Variants in HYLS1 observed in about 807,000 individuals in gnomAD.
The protein encoded by HYLS1 is centriolar and ciliogenesis-associated protein HYLS1.
In HYLS1, 25 loss-of-function variants were observed where a neutral mutation model predicts 29.4. That is an observed-to-expected ratio of 0.85 (90% CI 0.62 to 1.19). The LOEUF is 1.19. HYLS1 is among the 50% of genes most tolerant of loss of function. The pLI is 0.00. For missense variants in HYLS1, 352 were observed against 365.1 expected (o/e 0.96, Z 0.29); for synonymous variants, 128 against 126.7 (o/e 1.01, Z -0.07).
chr11:125,894,179 AGTT>A (rs1172814832), intron 2 of HYLS1: 5 of 1,614,046 alleles, frequency 3.1e-6, no homozygotes, highest in Admixed American at 1.7e-5. Context: ...ATTAGCCCAC[AGTT>A]GTTGTAGGTG....
In HYLS1 at chr11:125,887,752, C is replaced by T. The variant is rs1329584076; in HGVS notation, c.-89C>T. ...GGCAGGACGCGGTGCAGAGAGCGGACTTCCGCGACGCGGGTAAGCCGGGCG... is the reference window on the plus strand; with the variant it reads ...GGCAGGACGCGGTGCAGAGAGCGGATTTCCGCGACGCGGGTAAGCCGGGCG... On this transcript the variant is annotated 5_prime_UTR_variant, in exon 1 of 3. Transcript: ENST00000425380. The T allele has an allele frequency of 3.3e-5, 5 of 152,314 alleles. No individual in the cohort carries two copies. Among genetic ancestry groups the T allele is most frequent in the Non-Finnish European group, 7.3e-5 (5 of 68,070 alleles). 9.4% of individuals were successfully genotyped at this position (152,314 alleles called of 1,614,324 possible). A position where few individuals can be genotyped will look rare whatever the true frequency, so the allele number is the denominator to read the frequency against.
chr11:125,896,134 T>G, intron 2 of HYLS1: 1 of 1,614,182 alleles, frequency 6.2e-7, no homozygotes, highest in East Asian at 2.2e-5. Context: ...GCACGCTTAG[T>G]TTTTCCAGCT....
In HYLS1 at chr11:125,894,142, A is replaced by G. The variant is rs115450206; in HGVS notation, c.-26+2670A>G. The G allele has an allele frequency of 1.2e-3, 1,905 of 1,614,106 alleles. 17 individuals are homozygous for G. In the African/African-American group the frequency reaches 0.023, roughly 19 times the overall value. ...CAGTGTCCAGTCCTTGTAGCATACT[A>G]TACAACATGTGAGTTTTGACAGCAT... On this transcript the variant is annotated intron_variant, in intron 2 of 2. Coordinates refer to ENST00000425380, the MANE Select transcript of HYLS1 (RefSeq NM_001134793.2).
chr11:125,895,809 T>TA (rs779668555), intron 2 of HYLS1: 13 of 1,583,458 alleles, frequency 8.2e-6, no homozygotes, highest in Non-Finnish European at 1.1e-5. Flanking sequence ...TAGACAAAGA[T>TA]ACTGGGTTTT....
At chr11:125,890,157 G>C (rs1017182246) in intron 1 of HYLS1, among the ~76,000 whole-genome samples, 2 of 151,972 alleles carry the variant, frequency 1.3e-5, no homozygotes, top group African/African-American at 2.4e-5. Flanking sequence ...GCACAGGCTG[G>C]TCTTGAACTC....
chr11:125,888,769 CAA>C (rs34094193), intron 1 of HYLS1, among the ~76,000 whole-genome samples: 4 of 34,654 alleles, frequency 1.2e-4, no homozygotes, highest in Non-Finnish European at 3.1e-4. Flanking sequence ...ACTCTTGTCT[CAA>C]AAAAAAAAAA....
intron 1 of HYLS1, among the ~76,000 whole-genome samples, chr11:125,891,044 CTAAATAGTTCCT>C: frequency 6.6e-6 from 1 of 152,222 alleles, no homozygotes; most frequent in East Asian, 1.9e-4. Context: ...ATTTCACAAC[CTAAATAGTTCCT>C]TTATTCCAAC....
rs1224796383 is a variant in HYLS1 at position 125,888,778 on chromosome 11, A to G, written c.-76+1013A>G. Among the ~76,000 whole-genome samples the G allele has an allele frequency of 2.6e-4, 34 of 130,840 alleles. 1 individual carries two copies. The East Asian group carries it at 7.5e-3, about 29-fold the overall frequency. 85.8% of individuals were successfully genotyped at this position (130,840 alleles called of 152,430 possible). A position where few individuals can be genotyped will look rare whatever the true frequency, so the allele number is the denominator to read the frequency against. Reference sequence around the variant, plus strand: ...AGCAAGACTCTTGTCTCAAAAAAAAAAAAAAAAAAGAGAAAAGAAAAACAT... The same window carrying G: ...AGCAAGACTCTTGTCTCAAAAAAAAGAAAAAAAAAGAGAAAAGAAAAACAT... On this transcript the variant is annotated intron_variant, in intron 1 of 2. Coordinates refer to ENST00000425380, the MANE Select transcript of HYLS1 (RefSeq NM_001134793.2).
chr11:125,894,220 G>T, intron 2 of HYLS1: 1 of 1,613,196 alleles, frequency 6.2e-7, no homozygotes, highest in Non-Finnish European at 8.5e-7. Flanking sequence ...GAGCCTCCTG[G>T]TCATAGATCC....
chr11:125,884,603 C>T (rs959037934), upstream of HYLS1, among the ~76,000 whole-genome samples: 12 of 152,104 alleles, frequency 7.9e-5, 1 homozygote, highest in South Asian at 2.1e-4. Flanking sequence ...AGTGAGACTC[C>T]GTCTCAAAAA....
chr11:125,897,785 C>T (rs1264738062), intron 2 of HYLS1, among the ~76,000 whole-genome samples: 2 of 152,162 alleles, frequency 1.3e-5, no homozygotes, highest in Non-Finnish European at 1.5e-5. Flanking sequence ...TGGAGGTAAA[C>T]ATTTTGGCAA....
At position 125,892,471 on chromosome 11, in the gene HYLS1, T is replaced by C. The variant is rs550621234; in HGVS notation, c.-26+999T>C. Reference sequence around the variant, plus strand: ...ATATTTTGAGGATCACTTATTAACTTTGAGAACAAGCAAAGCTCTATCTCA... The same window carrying C: ...ATATTTTGAGGATCACTTATTAACTCTGAGAACAAGCAAAGCTCTATCTCA... On this transcript the variant is annotated intron_variant, in intron 2 of 2. Coordinates refer to ENST00000425380, the MANE Select transcript of HYLS1 (RefSeq NM_001134793.2). Among the ~76,000 whole-genome samples the C allele has an allele frequency of 2.6e-5, 4 of 152,352 alleles. No homozygotes were observed. The East Asian group carries it at 5.8e-4, about 22-fold the overall frequency.
At chr11:125,895,544 G>A in intron 2 of HYLS1, 1 of 1,614,158 alleles carries the variant, frequency 6.2e-7, no homozygotes, top group Non-Finnish European at 8.5e-7. Context: ...CATAATCCAT[G>A]GTTACAATAT....
At chr11:125,892,884 G>T (rs667653) in intron 2 of HYLS1, among the ~76,000 whole-genome samples, 123,024 of 152,168 alleles carry the variant, frequency 0.81, 50,501 homozygotes, top group Admixed American at 0.89. Flanking sequence ...AATGTGACCT[G>T]TGCTTACCTT....
At chr11:125,895,806 A>C (rs760553753) in intron 2 of HYLS1, 2 of 1,585,558 alleles carry the variant, frequency 1.3e-6, no homozygotes, top group Non-Finnish European at 1.7e-6. Flanking sequence ...AGTTAGACAA[A>C]GATACTGGGT....
In HYLS1 at chr11:125,888,422, T is replaced by C. The variant is rs576158045; in HGVS notation, c.-76+657T>C. 4.1e-4 allele frequency among the ~76,000 whole-genome samples: 62 copies of C among 152,344 alleles called. No homozygotes were observed. In the South Asian group the frequency reaches 0.013, roughly 32 times the overall value. On this transcript the variant is annotated intron_variant, in intron 1 of 2. Coordinates refer to ENST00000425380, the MANE Select transcript of HYLS1 (RefSeq NM_001134793.2). ...GAAGAAATGAAAGCAAGCACCTTTA[T>C]GGCCTGTGTGCTGGGGATAATCTGT...
intron 2 of HYLS1, chr11:125,894,153 G>A: frequency 1.9e-6 from 3 of 1,614,078 alleles, no homozygotes; most frequent in South Asian, 1.1e-5. Flanking sequence ...TACAACATGT[G>A]AGTTTTGACA....
chr11:125,899,596 T>C lies in HYLS1; in HGVS notation c.228T>C (p.Asn76=), dbSNP rs752688031. Residue 76 remains asparagine, a synonymous_variant, in exon 3 of 3, where the codon AAT becomes AAC. Coordinates refer to ENST00000425380, the MANE Select transcript of HYLS1 (RefSeq NM_001134793.2). ...VQLQYPHVES[N]VPSETVSEAS... ...TACAGTACCCACATGTAGAAAGTAA[T>C]GTCCCTTCAGAAACAGTCTCTGAGG... 2 of 1,614,152 alleles carry C rather than the reference T, an allele frequency of 1.2e-6. No individual in the cohort carries two copies. The highest frequency in any genetic ancestry group is 1.1e-5 in the South Asian group (1 of 91,082).
chr11:125,899,141 G>C (rs1319183150), intron 2 of HYLS1: 1 of 542,296 alleles, frequency 1.8e-6, no homozygotes, highest in African/African-American at 1.9e-5. Flanking sequence ...GCAGGAGTAA[G>C]AGTGGAAATG....
Sources: gnomAD v4.1 joint callset for allele counts (sites outside exome capture counted in the v4.1 genomes callset) on GRCh38, gnomAD v4.1.1 for gene constraint, MANE v1.5 for transcripts, NCBI Gene and HGNC (gene_info 2026-07-23, HGNC 2026-07-21) for gene names.